The following YBEY variants were observed in gnomAD, a reference collection of about 807,000 sequenced individuals.
YBEY encodes ybeY metalloendoribonuclease, also known as endoribonuclease YbeY.
Under a neutral mutation model 13.5 loss-of-function variants are expected in YBEY, and 15 were observed. The observed-to-expected ratio is 1.11, with a 90% CI of 0.75 to 1.72. YBEY has a LOEUF of 1.72. Among genes scored for constraint, YBEY ranks in the 40% most tolerant of loss-of-function variants. The pLI, the probability that YBEY is intolerant of heterozygous loss-of-function variation, is 0.00. For synonymous variants in YBEY, 101 were observed against 83.1 expected (o/e 1.21, Z -1.17); for missense variants, 244 against 208.4 (o/e 1.17, Z -1.05).
chr21:46,296,719 G>T (rs962658876), intron 4 of YBEY, among the ~76,000 whole-genome samples: 3 of 152,246 alleles, frequency 2.0e-5, no homozygotes, highest in African/African-American at 7.2e-5. Context: ...GTTTGGCCGG[G>T]CGCAGTGGCT....
At chr21:46,302,181 G>A (rs1278760036), downstream of YBEY, 2 of 1,451,152 alleles carry the variant, frequency 1.4e-6, no homozygotes, top group African/African-American at 2.8e-5. Context: ...TGCTGCTTAG[G>A]ACGCAGCCCA....
the YBEY span, chr21:46,313,099 G>A: frequency 1.6e-5 from 16 of 975,798 alleles, no homozygotes; most frequent in Non-Finnish European, 1.9e-5. Context: ...GAGCTACATC[G>A]TAAACAGCTT....
At chr21:46,301,075 A>T, downstream of YBEY, 1 of 1,022,972 alleles carries the variant, frequency 9.8e-7, no homozygotes. Context: ...TTATAGCATT[A>T]GCACTCTCCC....
At chr21:46,300,655 C>T (rs1354290629), downstream of YBEY, 1 of 1,256,980 alleles carries the variant, frequency 8.0e-7, no homozygotes, top group South Asian at 1.3e-5. Context: ...ATGTCAGCAC[C>T]AGGTGGCTGT....
downstream of YBEY, chr21:46,301,991 A>T (rs1355484406): frequency 6.6e-7 from 1 of 1,520,182 alleles, no homozygotes; most frequent in Non-Finnish European, 8.8e-7. Context: ...GGTCTCTGTG[A>T]CTCACACTCA....
the YBEY span, chr21:46,312,878 C>A: frequency 2.1e-6 from 1 of 472,400 alleles, no homozygotes; most frequent in Non-Finnish European, 2.8e-6. Context: ...TTACTGTCCT[C>A]CATCATATAC....
the YBEY span, chr21:46,312,896 C>T: frequency 1.6e-6 from 1 of 610,880 alleles, no homozygotes; most frequent in Non-Finnish European, 2.0e-6. Flanking sequence ...TACTGTAGTA[C>T]ATATATAGAA....
downstream of YBEY, chr21:46,301,032 G>A (rs542159718): frequency 9.8e-7 from 1 of 1,018,158 alleles, no homozygotes; most frequent in African/African-American, 1.7e-5. Flanking sequence ...AGGAACAAGA[G>A]CTGTGCAAAC....
At chr21:46,311,369 C>T in the YBEY span, 1 of 669,888 alleles carries the variant, frequency 1.5e-6, no homozygotes, top group Non-Finnish European at 2.4e-6. Flanking sequence ...AAAGCTGGCC[C>T]TAAGTGACTG....
intron 4 of YBEY, among the ~76,000 whole-genome samples, chr21:46,297,065 G>A (rs1302304194): frequency 1.3e-5 from 2 of 152,172 alleles, no homozygotes; most frequent in East Asian, 1.9e-4. Flanking sequence ...TTGGGAGGCC[G>A]AGGAGGGTGG....
At chr21:46,297,372 C>G (rs2081987611) in intron 4 of YBEY, among the ~76,000 whole-genome samples, 167 bp from the exon 5 acceptor site, 1 of 87,474 alleles carries the variant, frequency 1.1e-5, no homozygotes, top group African/African-American at 4.7e-5. Flanking sequence ...AGCTCAGGTT[C>G]TGGTGAAGGT....
chr21:46,286,868 A>G lies in YBEY; in HGVS notation c.-44-2A>G, dbSNP rs1250042658. On this transcript the variant is annotated splice_acceptor_variant, in intron 1 of 4. Coordinates refer to ENST00000397701, the MANE Select transcript of YBEY (RefSeq NM_001314025.2). LOFTEE classifies it low-confidence loss of function (5UTR_SPLICE). ...TGGTCTTCTCTTACACTTTAACCCCAGGTTCCGTTGCAAACATTTTTAAAG... is the reference window on the plus strand; with the variant it reads ...TGGTCTTCTCTTACACTTTAACCCCGGGTTCCGTTGCAAACATTTTTAAAG... The G allele has an allele frequency of 6.3e-7, 1 of 1,594,748 alleles. No individual in the cohort carries two copies. Among genetic ancestry groups the G allele is most frequent in the African/African-American group, 1.3e-5 (1 of 74,584 alleles).
chr21:46,307,444 A>C, the YBEY span, among the ~76,000 whole-genome samples: 74 of 152,036 alleles, frequency 4.9e-4, no homozygotes, highest in African/African-American at 1.7e-3. Flanking sequence ...AGGCACACAC[A>C]CACCCACACA....
the YBEY span, among the ~76,000 whole-genome samples, chr21:46,312,408 T>A: frequency 6.6e-6 from 1 of 152,092 alleles, no homozygotes; most frequent in Non-Finnish European, 1.5e-5. Context: ...AACCTCCGCC[T>A]CCCAGGTTCT....
At chr21:46,308,646 GTGGC>G in the YBEY span, among the ~76,000 whole-genome samples, 1 of 151,954 alleles carries the variant, frequency 6.6e-6, no homozygotes, top group South Asian at 2.1e-4. Flanking sequence ...AATCCTCAAT[GTGGC>G]AGTATTGAGA....
chr21:46,309,980 G>A, the YBEY span, among the ~76,000 whole-genome samples: 4 of 151,854 alleles, frequency 2.6e-5, no homozygotes, highest in East Asian at 7.7e-4. Flanking sequence ...CTAGGCGACA[G>A]GCAAGACTCT....
chr21:46,301,956 T>C, downstream of YBEY: 1 of 1,470,272 alleles, frequency 6.8e-7, no homozygotes. Context: ...TGAGGAAGCC[T>C]GGGGGTGGAG....
In YBEY at chr21:46,291,087, C is replaced by T. The variant is rs932452863; in HGVS notation, c.211-247C>T. Among the ~76,000 whole-genome samples the T allele has an allele frequency of 4.0e-5, 6 of 149,244 alleles. No individual in the cohort carries two copies. The South Asian group carries it at 1.3e-3, about 32-fold the overall frequency. On this transcript the variant is annotated intron_variant, in intron 2 of 4. Transcript: ENST00000397701. The stretch of plus-strand genomic sequence containing the variant: ...TGGCATGCACCTGTAATCCCAGCTA[C>T]TCAGGAGGCTGAGACAGGAGAATCA...
At position 46,295,504 on chromosome 21, in the gene YBEY, C is replaced by T. The variant is rs1470048491; in HGVS notation, c.340-658C>T. ...CCCTCCTCTTCCTCCTCCTCCTCCT[C>T]TTCCCCCAGCTCTGGGCTCCATCCG... On this transcript the variant is annotated intron_variant, in intron 3 of 4. Coordinates refer to ENST00000397701, the MANE Select transcript of YBEY (RefSeq NM_001314025.2). Among the ~76,000 whole-genome samples the T allele has an allele frequency of 2.6e-5, 4 of 152,114 alleles. No individual in the cohort carries two copies. The East Asian group carries it at 5.8e-4, about 22-fold the overall frequency.
Sources: gnomAD v4.1 joint callset for allele counts (sites outside exome capture counted in the v4.1 genomes callset) on GRCh38, gnomAD v4.1.1 for gene constraint, MANE v1.5 for transcripts, NCBI Gene and HGNC (gene_info 2026-07-23, HGNC 2026-07-21) for gene names.